The following GMDS variants were observed in gnomAD, a reference collection of about 807,000 sequenced individuals.
GMDS encodes the protein GDP-mannose 4,6-dehydratase.
GMDS carries 20 observed loss-of-function variants against 49.9 expected under a neutral mutation model. The observed-to-expected ratio is 0.40, with a 90% CI of 0.28 to 0.58. The LOEUF (loss-of-function observed/expected upper bound fraction) is 0.58, where lower values mean the gene tolerates loss of function less well. GMDS is among the 20% of genes least tolerant of loss of function. The pLI is 0.42. For missense variants in GMDS, 362 were observed against 481.4 expected (o/e 0.75, Z 2.32); for synonymous variants, 177 against 178.6 (o/e 0.99, Z 0.07).
At chr6:1,667,093 T>C (rs148632962) in intron 9 of GMDS, among the ~76,000 whole-genome samples, 1 of 152,286 alleles carries the variant, frequency 6.6e-6, no homozygotes, top group African/African-American at 2.4e-5. Context: ...GCCTCTACCA[T>C]TGACTCAATG....
intron 1 of GMDS, among the ~76,000 whole-genome samples, chr6:2,162,834 T>A (rs1777472897): frequency 6.6e-6 from 1 of 152,128 alleles, no homozygotes; most frequent in Non-Finnish European, 1.5e-5. Flanking sequence ...CCACCCACAC[T>A]GCTTCCACAG....
At position 2,104,978 on chromosome 6, in the gene GMDS, C is replaced by G. The variant is rs562489686; in HGVS notation, c.345+10793G>C. Among the ~76,000 whole-genome samples, 152 of 151,974 alleles carry G rather than the reference C, an allele frequency of 1.0e-3. 1 individual carries two copies. Among genetic ancestry groups the G allele is most frequent in the African/African-American group, 2.5e-3 (104 of 41,474 alleles). ...CGGGCAGATCACAAAGTCAGGAGAT[C>G]GAGACCATCCTGGCTAACATGGTGA... On this transcript the variant is annotated intron_variant, in intron 4 of 10. Coordinates refer to ENST00000380815, the MANE Select transcript of GMDS (RefSeq NM_001500.4).
chr6:1,845,426 T>C (rs911018960), intron 7 of GMDS, among the ~76,000 whole-genome samples: 2 of 152,226 alleles, frequency 1.3e-5, no homozygotes, highest in Non-Finnish European at 2.9e-5. Flanking sequence ...AAAATGCACA[T>C]TGAAGATTAT....
chr6:1,743,715 A>G, intron 7 of GMDS, among the ~76,000 whole-genome samples: 1 of 151,600 alleles, frequency 6.6e-6, no homozygotes. Context: ...GAGTTCCTGT[A>G]TCTCGCAATT....
At chr6:1,954,424 C>T (rs974263238) in intron 6 of GMDS, among the ~76,000 whole-genome samples, 1 of 152,252 alleles carries the variant, frequency 6.6e-6, no homozygotes, top group African/African-American at 2.4e-5. Context: ...ATCACTGACT[C>T]TTCCTTTCAG....
chr6:1,907,806 A>G (rs1486107702), intron 7 of GMDS, among the ~76,000 whole-genome samples: 1 of 152,226 alleles, frequency 6.6e-6, no homozygotes, highest in East Asian at 1.9e-4. Flanking sequence ...TAAAAGAGAC[A>G]ATAACTGGCC....
chr6:1,828,755 C>A (rs1270526682), intron 7 of GMDS, among the ~76,000 whole-genome samples: 1 of 152,124 alleles, frequency 6.6e-6, no homozygotes, highest in Non-Finnish European at 1.5e-5. Context: ...AGTTCATTAC[C>A]ACTATACCTC....
Position 1,624,030 on chromosome 6 carries a change from C to T in GMDS, c.*139G>A, listed in dbSNP as rs1021727370. On this transcript the variant is annotated 3_prime_UTR_variant, in exon 11 of 11. Coordinates refer to ENST00000380815, the MANE Select transcript of GMDS (RefSeq NM_001500.4). ...CCTCGGCGGGGCGGCCCCGCTCTTG[C>T]GGCCGGGACAGCGCAGCGGCAGCAG... 6 of 705,546 alleles carry T rather than the reference C, an allele frequency of 8.5e-6. No individual in the cohort carries two copies. The African/African-American group carries it at 9.0e-5, about 11-fold the overall frequency. 43.7% of individuals were successfully genotyped at this position (705,546 alleles called of 1,614,324 possible).
intron 7 of GMDS, among the ~76,000 whole-genome samples, chr6:1,917,133 C>T (rs1413617256): frequency 6.6e-6 from 1 of 152,040 alleles, no homozygotes; most frequent in Non-Finnish European, 1.5e-5. Context: ...GGTATTAGGC[C>T]AGCAGTAGAG....
chr6:2,083,937 C>A (rs1390146393), intron 4 of GMDS, among the ~76,000 whole-genome samples: 1 of 152,056 alleles, frequency 6.6e-6, no homozygotes, highest in Non-Finnish European at 1.5e-5. Flanking sequence ...ACAGCTAAAG[C>A]TAAAATATAT....
intron 9 of GMDS, among the ~76,000 whole-genome samples, chr6:1,672,454 A>G (rs1764461692): frequency 6.6e-6 from 1 of 152,270 alleles, no homozygotes; most frequent in Non-Finnish European, 1.5e-5. Flanking sequence ...GATTCTTCCA[A>G]CAAAAGTCTC....
Position 2,041,303 on chromosome 6 carries a change from A to G in GMDS, c.345+74468T>C, listed in dbSNP as rs145185008. 7.0e-4 allele frequency among the ~76,000 whole-genome samples: 106 copies of G among 152,366 alleles called. 1 individual carries two copies. Among genetic ancestry groups the G allele is most frequent in the African/African-American group, 2.5e-3 (103 of 41,594 alleles). On this transcript the variant is annotated intron_variant, in intron 4 of 10. Coordinates refer to ENST00000380815, the MANE Select transcript of GMDS (RefSeq NM_001500.4). Reference sequence around the variant, plus strand: ...GGCAGTACTTGTTATAGGTATGCCCAAAAAATGGTAATAAATGAAAAAACT... The same window carrying G: ...GGCAGTACTTGTTATAGGTATGCCCGAAAAATGGTAATAAATGAAAAAACT...
intron 1 of GMDS, among the ~76,000 whole-genome samples, chr6:2,233,596 G>A (rs1273862668): frequency 6.6e-6 from 1 of 152,244 alleles, no homozygotes; most frequent in African/African-American, 2.4e-5. Flanking sequence ...GAGGTGGGCA[G>A]ATCACTTGAG....
At chr6:2,056,369 C>G (rs501038) in intron 4 of GMDS, among the ~76,000 whole-genome samples, 46,832 of 151,980 alleles carry the variant, frequency 0.31, 7,458 homozygotes, top group East Asian at 0.48. Flanking sequence ...CTATTAGCCA[C>G]TGCACATGTA....
chr6:1,761,650 A>AT (rs1276523951), intron 7 of GMDS, among the ~76,000 whole-genome samples: 3 of 151,858 alleles, frequency 2.0e-5, no homozygotes, highest in East Asian at 3.9e-4. Flanking sequence ...TTAATGTTGT[A>AT]TTTTTTTTGC....
intron 7 of GMDS, among the ~76,000 whole-genome samples, chr6:1,927,107 G>A (rs111934752): frequency 3.0e-5 from 4 of 132,196 alleles, no homozygotes; most frequent in Non-Finnish European, 3.4e-5. Context: ...AGAGGGTAGC[G>A]TGTTGGTGTA....
At chr6:2,221,479 C>T (rs148760474) in intron 1 of GMDS, among the ~76,000 whole-genome samples, 34 of 152,266 alleles carry the variant, frequency 2.2e-4, no homozygotes, top group African/African-American at 7.7e-4. Flanking sequence ...CTCCCGGCCT[C>T]CCGGGTTCAC....
At chr6:1,624,358 C>T in intron 10 of GMDS, 114 bp downstream of exon 10, 2 of 1,290,054 alleles carry the variant, frequency 1.6e-6, no homozygotes, top group Non-Finnish European at 2.2e-6. Context: ...TTCTCCCGCA[C>T]CCCGCCTTCC....
intron 1 of GMDS, among the ~76,000 whole-genome samples, chr6:2,196,817 G>A (rs1779291896): frequency 7.0e-6 from 1 of 142,870 alleles, no homozygotes; most frequent in African/African-American, 3.0e-5. Context: ...GGACTCTTGG[G>A]GTGATCAAGA....
Sources: gnomAD v4.1 joint callset for allele counts (sites outside exome capture counted in the v4.1 genomes callset) on GRCh38, gnomAD v4.1.1 for gene constraint, MANE v1.5 for transcripts, NCBI Gene and HGNC (gene_info 2026-07-23, HGNC 2026-07-21) for gene names.